The following EHMT1 variants were observed in gnomAD, a reference collection of about 807,000 sequenced individuals.
EHMT1 encodes the protein histone-lysine N-methyltransferase EHMT1.
EHMT1 carries 15 observed loss-of-function variants against 147.2 expected under a neutral mutation model. The ratio of observed to expected loss-of-function variants is 0.10; its 90% CI spans 0.07 to 0.16. The LOEUF (loss-of-function observed/expected upper bound fraction) is 0.16. Ranked by LOEUF, EHMT1 falls within the 10% of genes least tolerant of loss-of-function variation. The pLI, the probability that EHMT1 is intolerant of heterozygous loss-of-function variation, is 1.00. For missense variants in EHMT1, 1,587 were observed against 1,772.4 expected (o/e 0.90, Z 1.88); for synonymous variants, 795 against 709.6 (o/e 1.12, Z -1.91).
At chr9:137,711,460 C>G (rs1024727117) in intron 2 of EHMT1, among the ~76,000 whole-genome samples, 6 of 152,142 alleles carry the variant, frequency 3.9e-5, no homozygotes, top group African/African-American at 1.4e-4. Context: ...ATGACTGACG[C>G]CGCGCCATGG....
At chr9:137,734,368 A>G (rs1947355918) in intron 4 of EHMT1, among the ~76,000 whole-genome samples, 1 of 152,246 alleles carries the variant, frequency 6.6e-6, no homozygotes, top group African/African-American at 2.4e-5. Context: ...ACTAGAGGAA[A>G]TCAAAGGCAG....
chr9:137,646,179 T>C (rs1022052504), intron 1 of EHMT1, among the ~76,000 whole-genome samples: 7 of 152,268 alleles, frequency 4.6e-5, no homozygotes, highest in African/African-American at 1.4e-4. Context: ...AGGCTGGTCT[T>C]GATCTCCTGG....
Position 137,739,018 on chromosome 9 carries a change from C to T in EHMT1, c.824-4353C>T, listed in dbSNP as rs563173085. Among the ~76,000 whole-genome samples, 332 of 151,504 alleles carry T rather than the reference C, an allele frequency of 2.2e-3. 3 individuals are homozygous for T. Among genetic ancestry groups the T allele is most frequent in the African/African-American group, 7.4e-3 (306 of 41,182 alleles). On this transcript the variant is annotated intron_variant, in intron 4 of 26. Coordinates refer to ENST00000460843, the MANE Select transcript of EHMT1 (RefSeq NM_024757.5). ...CTGAATGTATTTAATACCATGGAAC[C>T]GTGCACTTAAAGATGATGAAGATGG...
In EHMT1 at chr9:137,752,421, G is replaced by A. The variant is rs768444103; in HGVS notation, c.1248+13G>A. The A allele has an allele frequency of 6.2e-6, 10 of 1,611,808 alleles. No individual in the cohort carries two copies. The highest frequency in any genetic ancestry group is 1.6e-4 in the Middle Eastern group (1 of 6,082). Reference sequence around the variant, plus strand: ...CGAGTCTGACCTGGTAATGCCCAGCGCCTCCTCCTGCGTCTGTGCTGATGT... The same window carrying A: ...CGAGTCTGACCTGGTAATGCCCAGCACCTCCTCCTGCGTCTGTGCTGATGT... On this transcript the variant is annotated intron_variant, in intron 7 of 26. Coordinates refer to ENST00000460843, the MANE Select transcript of EHMT1 (RefSeq NM_024757.5).
At chr9:137,770,605 C>T (rs1950529371) in intron 10 of EHMT1, among the ~76,000 whole-genome samples, 1 of 152,214 alleles carries the variant, frequency 6.6e-6, no homozygotes, top group Admixed American at 6.5e-5. Context: ...CCAGATACCT[C>T]CCCTATAGCT....
chr9:137,719,461 G>A (rs1259389753), intron 3 of EHMT1, among the ~76,000 whole-genome samples: 3 of 152,156 alleles, frequency 2.0e-5, no homozygotes, highest in Non-Finnish European at 4.4e-5. Context: ...CAGATAAGGC[G>A]GGCACCTCGT....
intron 1 of EHMT1, among the ~76,000 whole-genome samples, chr9:137,657,342 G>A (rs939119941): frequency 2.6e-5 from 4 of 152,118 alleles, no homozygotes; most frequent in African/African-American, 9.7e-5. Context: ...TGTTTTAACA[G>A]TGTCTTTCTC....
intron 25 of EHMT1, chr9:137,832,829 A>G (rs1381183800): frequency 6.6e-6 from 1 of 152,370 alleles, no homozygotes; most frequent in East Asian, 1.9e-4. Context: ...GCTGCTTATC[A>G]AGACCTTCGT....
At position 137,787,887 on chromosome 9, in the gene EHMT1, A is replaced by T; in HGVS notation, c.2383-2961A>T. 1 of 1,350,488 alleles carries T rather than the reference A, an allele frequency of 7.4e-7. No individual in the cohort carries two copies. Among genetic ancestry groups the T allele is most frequent in the South Asian group, 1.2e-5 (1 of 85,810 alleles). The allele number at this position is 1,350,488 out of a possible 1,614,324, so 83.7% of individuals were successfully genotyped here. On this transcript the variant is annotated intron_variant, in intron 15 of 26. Transcript: ENST00000460843. The surrounding 1 kb of genome is among the most constrained non-coding windows in gnomAD (Gnocchi z 4.2). ...GGAGGTGGGTGGGGGTGCCAAGGGC[A>T]TTACCACATTGGGAGTGTAGATTGG...
chr9:137,684,441 CTAAA>C (rs992229186), intron 1 of EHMT1, among the ~76,000 whole-genome samples: 1 of 152,118 alleles, frequency 6.6e-6, no homozygotes, highest in Non-Finnish European at 1.5e-5. Flanking sequence ...CCCTTCATTC[CTAAA>C]TACATTAGCG....
chr9:137,724,209 A>G (rs578062205), intron 3 of EHMT1, among the ~76,000 whole-genome samples: 4 of 152,206 alleles, frequency 2.6e-5, no homozygotes, highest in South Asian at 2.1e-4. Flanking sequence ...GTTCTTAGCA[A>G]TTGTGTGAAG....
chr9:137,668,014 AG>A (rs1273559701), intron 1 of EHMT1, among the ~76,000 whole-genome samples: 6 of 152,156 alleles, frequency 3.9e-5, no homozygotes, highest in African/African-American at 1.4e-4. Flanking sequence ...GAAAAGTGAG[AG>A]GGTGTTGCAA....
In EHMT1 at chr9:137,757,989, A is replaced by G; in HGVS notation, c.1479A>G (p.Gly493=). The change falls in exon 9 of 27, where the codon GGA becomes GGG. Residue 493 remains glycine, a synonymous_variant. Transcript: ENST00000460843. ...ACTCCCTGGATCTCCGAGTCAAAGG[A>G]ATTCTGTCTTCACAAGCAGAAGGTG... ...SLDSLDLRVK[G]ILSSQAEGLA... is the part of the protein sequence containing the mutation. 2 of 1,614,002 alleles carry G rather than the reference A, an allele frequency of 1.2e-6. No homozygotes were observed. The highest frequency in any genetic ancestry group is 1.7e-6 in the Non-Finnish European group (2 of 1,180,008).
chr9:137,660,945 C>A (rs1349964515), intron 1 of EHMT1, among the ~76,000 whole-genome samples: 1 of 152,140 alleles, frequency 6.6e-6, no homozygotes, highest in Non-Finnish European at 1.5e-5. Context: ...ATTTCTAATA[C>A]TTTGTAGAAC....
At chr9:137,744,166 T>A (rs1948352729) in intron 6 of EHMT1, 76 bp downstream of exon 6, 2 of 1,502,272 alleles carry the variant, frequency 1.3e-6, no homozygotes, top group African/African-American at 2.7e-5. Context: ...AAATTAACAG[T>A]CTGGTCACTT....
chr9:137,796,703 CA>C (rs11449759), intron 16 of EHMT1, among the ~76,000 whole-genome samples: 10 of 85,832 alleles, frequency 1.2e-4, no homozygotes, highest in East Asian at 2.7e-4. Flanking sequence ...GACTCCATCT[CA>C]AAAAAAAAAA....
intron 1 of EHMT1, among the ~76,000 whole-genome samples, chr9:137,662,807 TA>T (rs1318674940): frequency 0.039 from 3,761 of 96,806 alleles, 123 homozygotes; most frequent in African/African-American, 0.11. Context: ...TTTATTTATT[TA>T]TTTTTGACAG....
chr9:137,800,337 G>GTCCT (rs1228015287), intron 17 of EHMT1: 4 of 163,814 alleles, frequency 2.4e-5, no homozygotes, highest in Non-Finnish European at 5.3e-5. Context: ...GGAGGAAGCA[G>GTCCT]GGGCGTCCGC....
At chr9:137,629,385 C>G (rs1458911757) in intron 1 of EHMT1, among the ~76,000 whole-genome samples, 1 of 149,212 alleles carries the variant, frequency 6.7e-6, no homozygotes, top group Non-Finnish European at 1.5e-5. Context: ...AGCCACCACA[C>G]CTGGCCAGTT....
Sources: gnomAD v4.1 joint callset for allele counts (sites outside exome capture counted in the v4.1 genomes callset) on GRCh38, gnomAD v4.1.1 for gene constraint, Gnocchi (gnomAD v3.1) non-coding constraint, MANE v1.5 for transcripts, NCBI Gene and HGNC (gene_info 2026-07-23, HGNC 2026-07-21) for gene names.